Variants in SLC3A1 observed in about 807,000 individuals in gnomAD.
SLC3A1 encodes the protein amino acid transporter heavy chain SLC3A1.
In SLC3A1, 78 loss-of-function variants were observed where a neutral mutation model predicts 60.3. The observed-to-expected ratio is 1.29, with a 90% CI of 1.08 to 1.56. The LOEUF (loss-of-function observed/expected upper bound fraction) is 1.56, where lower values mean the gene tolerates loss of function less well. Ranked by LOEUF, SLC3A1 falls within the 40% of genes most tolerant of loss-of-function variation. SLC3A1 has a pLI of 0.00. For missense variants in SLC3A1, 1,172 were observed against 858.9 expected, an observed-to-expected ratio of 1.36 and a Z score of -4.56; for synonymous variants, 392 against 307.9, an observed-to-expected ratio of 1.27 and a Z score of -2.86.
intron 7 of SLC3A1, among the ~76,000 whole-genome samples, chr2:44,311,497 C>G (rs1672294694): frequency 6.6e-6 from 1 of 152,000 alleles, no homozygotes; most frequent in African/African-American, 2.4e-5. Flanking sequence ...AGTAGTATGA[C>G]AATTCTGGAA....
intron 7 of SLC3A1, among the ~76,000 whole-genome samples, chr2:44,310,113 T>G (rs1252904326): frequency 6.6e-6 from 1 of 151,432 alleles, no homozygotes; most frequent in Admixed American, 6.6e-5. Flanking sequence ...AAGCTGGTCT[T>G]GAACTCCTGA....
intron 6 of SLC3A1, chr2:44,303,849 T>A (rs1486284500): frequency 3.6e-6 from 2 of 555,388 alleles, no homozygotes; most frequent in East Asian, 3.1e-5. Flanking sequence ...TCTGTCCTTG[T>A]GATAGTTTGC....
chr2:44,299,523 G>A (rs1671949668), intron 4 of SLC3A1, among the ~76,000 whole-genome samples: 1 of 152,090 alleles, frequency 6.6e-6, no homozygotes, highest in African/African-American at 2.4e-5. Context: ...CCTCTCATCT[G>A]CCTTCCTAGT....
At position 44,321,344 on chromosome 2, in the gene SLC3A1, G is replaced by T; in HGVS notation, c.*705G>T. 1 of 1,583,110 alleles carries T rather than the reference G, an allele frequency of 6.3e-7. No homozygotes were observed. Among genetic ancestry groups the T allele is most frequent in the Non-Finnish European group, 8.7e-7 (1 of 1,153,062 alleles). On this transcript the variant is annotated 3_prime_UTR_variant, in exon 10 of 10. Coordinates refer to ENST00000260649, the MANE Select transcript of SLC3A1 (RefSeq NM_000341.4). ...TTCAGTGTGTTTCCAATTCCCAGTTGAATGCAGTGTTTCAGAATTTCAGGT... is the reference window on the plus strand; with the variant it reads ...TTCAGTGTGTTTCCAATTCCCAGTTTAATGCAGTGTTTCAGAATTTCAGGT...
intron 3 of SLC3A1, chr2:44,285,658 T>C (rs74997007): frequency 0.017 from 8,385 of 484,098 alleles, 128 homozygotes; most frequent in Non-Finnish European, 0.028. Flanking sequence ...AATGTTTCTT[T>C]CTTCCAAATT....
intron 3 of SLC3A1, among the ~76,000 whole-genome samples, chr2:44,281,912 T>G (rs1425753117): frequency 6.6e-6 from 1 of 152,156 alleles, no homozygotes; most frequent in East Asian, 1.9e-4. Flanking sequence ...TTTGCTCTTG[T>G]CTCCCAGGCT....
intron 9 of SLC3A1, chr2:44,318,361 G>A (rs748890116): frequency 2.9e-4 from 56 of 192,718 alleles, no homozygotes; most frequent in Non-Finnish European, 5.0e-4. Flanking sequence ...AAAGTGCTAG[G>A]ATTACGGGCC....
rs745692914 is a variant in SLC3A1, at chr2:44,275,938, A to T, written c.403A>T (p.Asn135Tyr). 1 of 1,614,240 alleles carries T rather than the reference A, an allele frequency of 6.2e-7. No homozygotes were observed. The highest frequency in any genetic ancestry group is 1.7e-5 in the Admixed American group (1 of 60,032). Residue 135 changes from asparagine to tyrosine, a missense_variant, in exon 1 of 10, where the codon AAC becomes TAC. Coordinates refer to ENST00000260649, the MANE Select transcript of SLC3A1 (RefSeq NM_000341.4). ...QIYPRSFKDS[N>Y]KDGNGDLKGI... ...CTACCCAAGGTCTTTCAAGGACAGT[A>T]ACAAGGATGGGAACGGAGATCTGAA... is the stretch of plus-strand genomic sequence containing the variant.
In SLC3A1 at chr2:44,320,962, T is replaced by C. The variant is rs1672889435; in HGVS notation, c.*323T>C. On this transcript the variant is annotated 3_prime_UTR_variant, in exon 10 of 10. Coordinates refer to ENST00000260649, the MANE Select transcript of SLC3A1 (RefSeq NM_000341.4). ...TTTTATCTTTTCCCTTAAAATGCAG[T>C]CATAGAAATTAGAGGATGACTCACT... 1 of 405,014 alleles carries C rather than the reference T, an allele frequency of 2.5e-6. No individual in the cohort carries two copies. Among genetic ancestry groups the C allele is most frequent in the Admixed American group, 4.0e-5 (1 of 24,746 alleles). 25.1% of individuals were successfully genotyped at this position (405,014 alleles called of 1,614,324 possible).
rs1671473626 is a variant in SLC3A1, at chr2:44,280,641, G to C, written c.431-75G>C. Reference sequence around the variant, plus strand: ...CTTCATGTAAATATTTCTATCTTAGGCATATTTGTTATATTTTTTGTCCTT... The same window carrying C: ...CTTCATGTAAATATTTCTATCTTAGCCATATTTGTTATATTTTTTGTCCTT... On this transcript the variant is annotated intron_variant, in intron 1 of 9. Transcript: ENST00000260649. 1.0e-5 allele frequency: 10 copies of C among 989,322 alleles called. No homozygotes were observed. In the South Asian group the frequency reaches 1.3e-4, roughly 13 times the overall value. 61.3% of individuals were successfully genotyped at this position (989,322 alleles called of 1,614,324 possible).
Position 44,291,635 on chromosome 2 carries a change from C to A in SLC3A1, c.891+5478C>A, listed in dbSNP as rs548360481. 2.0e-5 allele frequency among the ~76,000 whole-genome samples: 3 copies of A among 152,300 alleles called. No homozygotes were observed. The South Asian group carries it at 6.2e-4, about 32-fold the overall frequency. ...TTTGGCATGAAGGAGACTTCTGTCA[C>A]CCTCCTCCCCACCTTACCCCCAGCA... On this transcript the variant is annotated intron_variant, in intron 4 of 9. Transcript: ENST00000260649.
At chr2:44,298,390 T>G (rs1224641900) in intron 4 of SLC3A1, among the ~76,000 whole-genome samples, 1 of 152,040 alleles carries the variant, frequency 6.6e-6, no homozygotes, top group African/African-American at 2.4e-5. Flanking sequence ...CTGCCTTTTT[T>G]TTTCTTGAAA....
intron 7 of SLC3A1, 29 bp from the exon 8 acceptor site, chr2:44,312,557 C>T (rs369198427): frequency 5.6e-6 from 9 of 1,610,988 alleles, no homozygotes; most frequent in Non-Finnish European, 5.9e-6. Context: ...GTGTATACAG[C>T]TGTGTTCTTA....
chr2:44,280,835 G>T lies in SLC3A1; in HGVS notation c.550G>T (p.Asp184Tyr). The change falls in exon 2 of 10, where the codon GAT becomes TAT. Residue 184 changes from aspartate (D) to tyrosine (Y), a missense_variant. Physicochemically the swap from Asp to Tyr is radical, Grantham distance 160. Transcript: ENST00000260649. ...TGGTGTTGAAGATTTCCGGGAAGTT[G>T]ATCCCATTTTTGGAACGATGGAAGA... ...RYGVEDFREVDPIFGTMEDFE... is the reference protein window; with the variant it reads ...RYGVEDFREVYPIFGTMEDFE... 6.2e-7 allele frequency: 1 copy of T among 1,614,040 alleles called. No individual in the cohort carries two copies. Among genetic ancestry groups the T allele is most frequent in the Admixed American group, 1.7e-5 (1 of 60,012 alleles).
chr2:44,303,861 T>G lies in SLC3A1; in HGVS notation c.1137-282T>G, dbSNP rs1022084665. 3.5e-5 allele frequency: 20 copies of G among 569,546 alleles called. No individual in the cohort carries two copies. The East Asian group carries it at 5.9e-4, about 17-fold the overall frequency. The allele number at this position is 569,546 out of a possible 1,614,324, so 35.3% of individuals were successfully genotyped here. ...TTTTCTGTCCTTGTGATAGTTTGCT[T>G]AGAATGATGGTTTCCAGCTTCATCC... On this transcript the variant is annotated intron_variant, in intron 6 of 9. Coordinates refer to ENST00000260649, the MANE Select transcript of SLC3A1 (RefSeq NM_000341.4).
chr2:44,285,551 G>C (rs946644743), intron 3 of SLC3A1: 1 of 399,280 alleles, frequency 2.5e-6, no homozygotes, highest in African/African-American at 2.1e-5. Context: ...TTTATTCTTG[G>C]AGACTGGTAG....
Position 44,320,189 on chromosome 2 carries a change from A to T in SLC3A1, c.1618-10A>T, listed in dbSNP as rs1300134016. The T allele has an allele frequency of 1.6e-5, 25 of 1,603,238 alleles. No individual in the cohort carries two copies. The highest frequency in any genetic ancestry group is 1.9e-5 in the Non-Finnish European group (22 of 1,171,482). The stretch of plus-strand genomic sequence containing the variant: ...CAAACACTTACGTAAATACTTTTTT[A>T]AAAAAATAGGTCCAAAAGACTCAGC... On this transcript the variant is annotated splice_polypyrimidine_tract_variant and intron_variant, in intron 9 of 9. Coordinates refer to ENST00000260649, the MANE Select transcript of SLC3A1 (RefSeq NM_000341.4).
rs566657002 is a variant in SLC3A1, at chr2:44,298,062, C to T, written c.892-1909C>T. 1.3e-3 allele frequency among the ~76,000 whole-genome samples: 202 copies of T among 152,254 alleles called. 1 individual carries two copies. Among genetic ancestry groups the T allele is most frequent in the African/African-American group, 4.7e-3 (194 of 41,540 alleles). Reference sequence around the variant, plus strand: ...ATTTGTGAACAAGTTTTTGCGTGGACATAAGTTTTCATTTCTCTCGGGTAT... The same window carrying T: ...ATTTGTGAACAAGTTTTTGCGTGGATATAAGTTTTCATTTCTCTCGGGTAT... On this transcript the variant is annotated intron_variant, in intron 4 of 9. Transcript: ENST00000260649.
intron 7 of SLC3A1, among the ~76,000 whole-genome samples, chr2:44,306,058 C>G (rs151213570): frequency 6.6e-6 from 1 of 152,198 alleles, no homozygotes; most frequent in Non-Finnish European, 1.5e-5. Context: ...CGGAGGTGCT[C>G]AGGCTCAGGG....
Sources: gnomAD v4.1 joint callset for allele counts (sites outside exome capture counted in the v4.1 genomes callset) on GRCh38, gnomAD v4.1.1 for gene constraint, MANE v1.5 for transcripts, NCBI Gene and HGNC (gene_info 2026-07-23, HGNC 2026-07-21) for gene names.